The following PDE1A variants were observed in gnomAD, a reference collection of about 807,000 sequenced individuals.
The protein encoded by PDE1A is phosphodiesterase 1A, also known as dual specificity calcium/calmodulin-dependent 3',5'-cyclic nucleotide phosphodiesterase 1A.
In PDE1A, 35 loss-of-function variants were observed where a neutral mutation model predicts 61.7. That is an observed-to-expected ratio of 0.57 (90% CI 0.43 to 0.75). PDE1A has a LOEUF of 0.75. PDE1A is among the 30% of genes least tolerant of loss of function. PDE1A has a pLI of 0.00. For missense variants in PDE1A, 597 were observed against 630.6 expected (o/e 0.95, Z 0.57); for synonymous variants, 232 against 213.2 (o/e 1.09, Z -0.77).
intron 2 of PDE1A, among the ~76,000 whole-genome samples, chr2:182,262,203 TTTCC>T (rs1399045796): frequency 1.4e-5 from 2 of 138,560 alleles, no homozygotes; most frequent in East Asian, 2.1e-4. Context: ...TTTTTTTCTC[TTTCC>T]TTCTTTCTTT....
chr2:182,383,636 C>G (rs1449288367), intron 1 of PDE1A, among the ~76,000 whole-genome samples: 1 of 151,928 alleles, frequency 6.6e-6, no homozygotes, highest in Non-Finnish European at 1.5e-5. Context: ...CAGTAGTTAT[C>G]CCCCAACAAA....
the PDE1A span, among the ~76,000 whole-genome samples, chr2:182,575,022 G>A: frequency 1.3e-5 from 2 of 152,156 alleles, no homozygotes; most frequent in African/African-American, 2.4e-5. Flanking sequence ...TACAGTCTCC[G>A]TTTCTGCAGC....
chr2:182,527,932 C>A (rs991044923), upstream of PDE1A, among the ~76,000 whole-genome samples: 2 of 152,102 alleles, frequency 1.3e-5, no homozygotes, highest in African/African-American at 4.8e-5. Context: ...GATTGTAAGG[C>A]CTCCCCAGCC....
chr2:182,351,703 G>C (rs1369999801), intron 1 of PDE1A, among the ~76,000 whole-genome samples: 1 of 152,100 alleles, frequency 6.6e-6, no homozygotes, highest in Non-Finnish European at 1.5e-5. Flanking sequence ...ATAGCAATCT[G>C]TACTCACTTC....
upstream of PDE1A, among the ~76,000 whole-genome samples, chr2:182,430,225 T>A (rs897188266): frequency 5.5e-4 from 80 of 145,436 alleles, no homozygotes; most frequent in African/African-American, 1.8e-3. Context: ...AGGGCTAATA[T>A]CCAGAATCTA....
the PDE1A span, among the ~76,000 whole-genome samples, chr2:182,637,882 AC>A: frequency 1.3e-5 from 2 of 152,126 alleles, no homozygotes; most frequent in Non-Finnish European, 2.9e-5. Context: ...AGATCATGCC[AC>A]TGCACTCCAG....
At chr2:182,677,427 C>A in the PDE1A span, among the ~76,000 whole-genome samples, 1 of 152,142 alleles carries the variant, frequency 6.6e-6, no homozygotes, top group Admixed American at 6.5e-5. Flanking sequence ...AATGGAAAAA[C>A]ATTCCATGTT....
At chr2:182,415,739 G>A (rs1046564007) in intron 1 of PDE1A, among the ~76,000 whole-genome samples, 13 of 151,990 alleles carry the variant, frequency 8.6e-5, no homozygotes, top group Non-Finnish European at 1.0e-4. Context: ...ACAGTAAATC[G>A]TATGACACTG....
chr2:182,238,582 G>A (rs149395132), intron 3 of PDE1A, among the ~76,000 whole-genome samples: 1 of 152,162 alleles, frequency 6.6e-6, no homozygotes, highest in Non-Finnish European at 1.5e-5. Flanking sequence ...TCAGCTGTCA[G>A]GATTGAAGAT....
chr2:182,645,111 G>A, the PDE1A span, among the ~76,000 whole-genome samples: 7 of 151,046 alleles, frequency 4.6e-5, no homozygotes, highest in South Asian at 2.1e-4. Context: ...TCAGCCTCCC[G>A]AGTAGCTGGG....
At chr2:182,271,360 T>A (rs533015202) in intron 1 of PDE1A, among the ~76,000 whole-genome samples, 2 of 152,148 alleles carry the variant, frequency 1.3e-5, no homozygotes, top group African/African-American at 4.8e-5. Flanking sequence ...ACAGTCTACA[T>A]TTAAAGGAGC....
chr2:182,691,196 G>A, the PDE1A span, among the ~76,000 whole-genome samples: 4 of 151,984 alleles, frequency 2.6e-5, no homozygotes, highest in South Asian at 4.2e-4. Flanking sequence ...GTTCATATGG[G>A]ACCAAAAAAG....
the PDE1A span, among the ~76,000 whole-genome samples, chr2:182,582,076 T>C: frequency 6.6e-6 from 1 of 152,168 alleles, no homozygotes; most frequent in Admixed American, 6.6e-5. Context: ...AAAAATAAAG[T>C]AAATTACCTG....
At chr2:182,634,220 T>C in the PDE1A span, among the ~76,000 whole-genome samples, 1 of 152,246 alleles carries the variant, frequency 6.6e-6, no homozygotes, top group Non-Finnish European at 1.5e-5. Context: ...ACATTCCATC[T>C]GAATTTAAAA....
At chr2:182,671,919 GT>G in the PDE1A span, among the ~76,000 whole-genome samples, 1 of 151,830 alleles carries the variant, frequency 6.6e-6, no homozygotes, top group African/African-American at 2.4e-5. Context: ...GTGCCCGGCC[GT>G]GACTTTCTAA....
At chr2:182,570,981 T>A in the PDE1A span, among the ~76,000 whole-genome samples, 2 of 152,336 alleles carry the variant, frequency 1.3e-5, no homozygotes, top group African/African-American at 2.4e-5. Context: ...ATATGGATAT[T>A]ATAACAAAAT....
the PDE1A span, among the ~76,000 whole-genome samples, chr2:182,665,084 A>C: frequency 6.6e-6 from 1 of 152,198 alleles, no homozygotes; most frequent in South Asian, 2.1e-4. Flanking sequence ...TTGCTATGAA[A>C]AATTATAAAC....
intron 1 of PDE1A, among the ~76,000 whole-genome samples, chr2:182,365,953 GTCAACT>G (rs1486274905): frequency 2.6e-4 from 40 of 152,120 alleles, no homozygotes; most frequent in African/African-American, 9.6e-4. Context: ...GAGGTGTACT[GTCAACT>G]GTTAAGAGAT....
chr2:182,317,001 T>A (rs1230805122), intron 1 of PDE1A, among the ~76,000 whole-genome samples: 2 of 152,174 alleles, frequency 1.3e-5, no homozygotes, highest in Non-Finnish European at 2.9e-5. Flanking sequence ...TATGATTAGG[T>A]TTAAAAGGCT....
Sources: allele counts gnomAD v4.1 joint callset (sites outside exome capture counted in the v4.1 genomes callset), GRCh38; gene constraint gnomAD v4.1.1; transcripts MANE v1.5; gene names NCBI Gene and HGNC (gene_info 2026-07-23, HGNC 2026-07-21).